FNDC7: variants seen among roughly 807,000 people sequenced by gnomAD.
The protein encoded by FNDC7 is fibronectin type III domain containing 7, also known as fibronectin type III domain-containing protein 7.
Under a neutral mutation model 74.2 loss-of-function variants are expected in FNDC7, and 66 were observed. The ratio of observed to expected loss-of-function variants is 0.89; its 90% CI spans 0.73 to 1.09. FNDC7 has a LOEUF of 1.09. Among genes scored for constraint, FNDC7 ranks in the 50% least tolerant of loss-of-function variants. The probability of loss-of-function intolerance (pLI) is 0.00; values close to 1 mark genes in which losing one functional copy is unlikely to be tolerated. For missense variants in FNDC7, 829 were observed against 893.4 expected (o/e 0.93, Z 0.92); for synonymous variants, 307 against 330.2 (o/e 0.93, Z 0.76).
intron 9 of FNDC7, among the ~76,000 whole-genome samples, chr1:108,732,596 G>A (rs1661414179): frequency 6.6e-6 from 1 of 152,148 alleles, no homozygotes; most frequent in African/African-American, 2.4e-5. Flanking sequence ...TTTGAATCAT[G>A]TACAATATGT....
At chr1:108,740,419 T>C (rs143528980) in intron 11 of FNDC7, among the ~76,000 whole-genome samples, 490 of 144,368 alleles carry the variant, frequency 3.4e-3, no homozygotes, top group African/African-American at 0.012. Flanking sequence ...CCTCCACCTC[T>C]GGGATTCAAG....
chr1:108,738,871 G>T (rs74112504), intron 11 of FNDC7, among the ~76,000 whole-genome samples: 2,237 of 152,186 alleles, frequency 0.015, 63 homozygotes, highest in African/African-American at 0.051. Flanking sequence ...AACAGACTTG[G>T]CTTACTGAAA....
chr1:108,713,911 A>T (rs1351629536), intron 2 of FNDC7, among the ~76,000 whole-genome samples: 4 of 152,234 alleles, frequency 2.6e-5, no homozygotes, highest in Admixed American at 2.0e-4. Flanking sequence ...GGGGAATTAG[A>T]GGGAAAATGA....
rs1319514285 is a variant in FNDC7, at chr1:108,722,578, T to A, written c.842T>A (p.Met281Lys). The change falls in exon 5 of 13, where the codon ATG (methionine) becomes AAG (lysine). Residue 281 changes from methionine to lysine, a missense_variant. Coordinates refer to ENST00000370017, the MANE Select transcript of FNDC7 (RefSeq NM_001144937.3). ...DAGSSKSSSA[M>K]TLKTVACAPG... ...GGATCTAGCAAATCATCTTCAGCAATGACCCTGAAAACTGGTATGTAAACA... is the reference window on the plus strand; with the variant it reads ...GGATCTAGCAAATCATCTTCAGCAAAGACCCTGAAAACTGGTATGTAAACA... 8 of 1,613,308 alleles carry A rather than the reference T, an allele frequency of 5.0e-6. No homozygotes were observed. The African/African-American group carries it at 5.3e-5, about 11-fold the overall frequency.
chr1:108,733,547 G>T lies in FNDC7; in HGVS notation c.2140+15G>T. On this transcript the variant is annotated intron_variant, in intron 10 of 12. Transcript: ENST00000370017. ...AATATATTCAGGTAAAGCAAGTTATGACAGTTTATCTAAAACTAACCCTGA... is the reference window on the plus strand; with the variant it reads ...AATATATTCAGGTAAAGCAAGTTATTACAGTTTATCTAAAACTAACCCTGA... 6.2e-7 allele frequency: 1 copy of T among 1,608,472 alleles called. No homozygotes were observed. The highest frequency in any genetic ancestry group is 1.1e-5 in the South Asian group (1 of 90,914).
intron 11 of FNDC7, among the ~76,000 whole-genome samples, chr1:108,738,201 C>A (rs1474837026): frequency 6.6e-6 from 1 of 152,150 alleles, no homozygotes; most frequent in Non-Finnish European, 1.5e-5. Context: ...CTGCAGAGAG[C>A]TACGATGTTT....
At position 108,712,984 on chromosome 1, in the gene FNDC7, CTGT is replaced by C; in HGVS notation, c.52_54del (p.Cys18del). ...TGCCTTTGATTGGATTCATTCTTAT[CTGT>C]CTTAAAATGGTGAGTTCATCATTCC... is the stretch of plus-strand genomic sequence containing the variant. On this transcript the variant is annotated inframe_deletion, in exon 1 of 13. Transcript: ENST00000370017. The C allele has an allele frequency of 6.4e-7, 1 of 1,551,540 alleles. No homozygotes were observed. The highest frequency in any genetic ancestry group is 8.7e-7 in the Non-Finnish European group (1 of 1,146,918).
chr1:108,716,723 G>A (rs1168545447), intron 2 of FNDC7, among the ~76,000 whole-genome samples: 1 of 152,018 alleles, frequency 6.6e-6, no homozygotes, highest in African/African-American at 2.4e-5. Flanking sequence ...GGGAGCTGAT[G>A]CTGGAGAATC....
chr1:108,733,631 A>T, intron 10 of FNDC7, 99 bp downstream of exon 10: 10 of 1,011,190 alleles, frequency 9.9e-6, no homozygotes, highest in African/African-American at 3.4e-5. Flanking sequence ...AAGGGCACAG[A>T]GGGTATAAAA....
chr1:108,720,060 C>T (rs780445006), intron 4 of FNDC7, among the ~76,000 whole-genome samples: 1 of 152,074 alleles, frequency 6.6e-6, no homozygotes, highest in Non-Finnish European at 1.5e-5. Flanking sequence ...CATAGCCCTG[C>T]GGTGATTCAT....
rs1309383786 is a variant in FNDC7 at position 108,733,432 on chromosome 1, T to C, written c.2040T>C (p.Asp680=). Residue 680 remains aspartate (D), a synonymous_variant, in exon 10 of 13, where the codon GAT becomes GAC. Coordinates refer to ENST00000370017, the MANE Select transcript of FNDC7 (RefSeq NM_001144937.3). ...CTPSAGLSFC[D]VTEIPCGDVY... is the part of the protein sequence containing the mutation. ...CGAGTGCTGGCCTCAGTTTCTGTGA[T>C]GTCACTGAGATACCCTGTGGGGATG... The C allele has an allele frequency of 6.2e-7, 1 of 1,614,144 alleles. No individual in the cohort carries two copies. The highest frequency in any genetic ancestry group is 8.5e-7 in the Non-Finnish European group (1 of 1,180,028).
intron 2 of FNDC7, among the ~76,000 whole-genome samples, chr1:108,713,970 A>T (rs1660924331): frequency 6.6e-6 from 1 of 152,238 alleles, no homozygotes; most frequent in African/African-American, 2.4e-5. Context: ...TTTAAAAAGA[A>T]CTTTATACTT....
chr1:108,726,904 C>T (rs1439067246), intron 6 of FNDC7, among the ~76,000 whole-genome samples: 2 of 152,154 alleles, frequency 1.3e-5, no homozygotes, highest in East Asian at 1.9e-4. Flanking sequence ...CACGAGAGGG[C>T]CCTCCAGAGT....
rs766985244 is a variant in FNDC7 at position 108,728,760 on chromosome 1, T to C, written c.1498T>C (p.Cys500Arg). The C allele has an allele frequency of 1.9e-6, 3 of 1,614,270 alleles. No individual in the cohort carries two copies. In the Admixed American group the frequency reaches 5.0e-5, roughly 27 times the overall value. Residue 500 changes from cysteine to arginine, a missense_variant, in exon 8 of 13, where the codon TGC (cysteine) becomes CGC (arginine). Coordinates refer to ENST00000370017, the MANE Select transcript of FNDC7 (RefSeq NM_001144937.3). ...TAQGEKGLYQ[C>R]SSTGESCTMR... is the part of the protein sequence containing the mutation. ...CCAAGGGGAGAAAGGACTGTATCAGTGCAGCAGCACAGGAGAGTCCTGCAC... is the reference window on the plus strand; with the variant it reads ...CCAAGGGGAGAAAGGACTGTATCAGCGCAGCAGCACAGGAGAGTCCTGCAC...
At chr1:108,740,335 T>C (rs1489942922) in intron 11 of FNDC7, among the ~76,000 whole-genome samples, 1 of 144,320 alleles carries the variant, frequency 6.9e-6, no homozygotes, top group Admixed American at 6.9e-5. Flanking sequence ...TTTTTTTTTT[T>C]TTTTTTTTTT....
intron 11 of FNDC7, 92 bp downstream of exon 11, chr1:108,737,616 C>G: frequency 2.0e-6 from 2 of 999,946 alleles, no homozygotes; most frequent in Non-Finnish European, 3.0e-6. Context: ...AATTAGAAAG[C>G]AAATGCTTTC....
At position 108,730,866 on chromosome 1, in the gene FNDC7, C is replaced by T. The variant is rs537445480; in HGVS notation, c.1817C>T (p.Thr606Ile). ...ACATGTGGCATCAATTACACAGTGA[C>T]ATTAAAAGCAATTAGTGCCACCGGG... ...CITCGINYTV[T>I]LKAISATGLT... The change falls in exon 9 of 13, where the codon ACA becomes ATA. Residue 606 changes from threonine (T) to isoleucine (I), a missense_variant. Coordinates refer to ENST00000370017, the MANE Select transcript of FNDC7 (RefSeq NM_001144937.3). 2.5e-6 allele frequency: 4 copies of T among 1,613,928 alleles called. No homozygotes were observed. Among genetic ancestry groups the T allele is most frequent in the Non-Finnish European group, 3.4e-6 (4 of 1,179,892 alleles).
At chr1:108,735,525 A>G in intron 10 of FNDC7, among the ~76,000 whole-genome samples, 1 of 152,240 alleles carries the variant, frequency 6.6e-6, no homozygotes, top group Non-Finnish European at 1.5e-5. Flanking sequence ...ACCATGCATG[A>G]AAAATTAAAT....
At chr1:108,732,893 C>T (rs1392411708) in intron 9 of FNDC7, among the ~76,000 whole-genome samples, 1 of 152,044 alleles carries the variant, frequency 6.6e-6, no homozygotes, top group African/African-American at 2.4e-5. Flanking sequence ...CCTGCCTCAT[C>T]CTCCCAAGGG....
Sources: allele counts gnomAD v4.1 joint callset (sites outside exome capture counted in the v4.1 genomes callset), GRCh38; gene constraint gnomAD v4.1.1; transcripts MANE v1.5; gene names NCBI Gene and HGNC (gene_info 2026-07-23, HGNC 2026-07-21).